The following LAMA2 variants were observed in gnomAD, a reference collection of about 807,000 sequenced individuals.
LAMA2 encodes the protein laminin subunit alpha 2.
In LAMA2, 269 loss-of-function variants were observed where a neutral mutation model predicts 364.8. That is an observed-to-expected ratio of 0.74 (90% CI 0.67 to 0.82). The LOEUF (loss-of-function observed/expected upper bound fraction) is 0.82. Ranked by LOEUF, LAMA2 falls within the 40% of genes least tolerant of loss-of-function variation. The pLI, the probability that LAMA2 is intolerant of heterozygous loss-of-function variation, is 0.00. For synonymous variants in LAMA2, 1,379 were observed against 1,370.6 expected (o/e 1.01, Z -0.14); for missense variants, 3,807 against 3,873.2 (o/e 0.98, Z 0.45).
At position 129,139,671 on chromosome 6, in the gene LAMA2, T is replaced by C. The variant is rs531272809; in HGVS notation, c.640-4230T>C. Among the ~76,000 whole-genome samples the C allele has an allele frequency of 1.2e-4, 18 of 152,134 alleles. 1 individual carries two copies. In the South Asian group the frequency reaches 3.7e-3, roughly 32 times the overall value. The stretch of plus-strand genomic sequence containing the variant: ...TTTACACAGTCAAAATAAAAGAGAT[T>C]AGGCTTGTTTTTGTTATTTCTCCCC... On this transcript the variant is annotated intron_variant, in intron 4 of 64. Coordinates refer to ENST00000421865, the MANE Select transcript of LAMA2 (RefSeq NM_000426.4).
chr6:129,110,228 A>G (rs532848624), intron 4 of LAMA2, among the ~76,000 whole-genome samples: 295 of 152,206 alleles, frequency 1.9e-3, no homozygotes, highest in African/African-American at 6.8e-3. Context: ...TATTGAGATT[A>G]CCAAACTGTG....
chr6:129,224,837 G>A (rs1028941208), intron 12 of LAMA2, among the ~76,000 whole-genome samples: 9 of 152,296 alleles, frequency 5.9e-5, no homozygotes, highest in Middle Eastern at 3.4e-3. Flanking sequence ...TCAGGAGGAT[G>A]CTGGCCTCAT....
intron 12 of LAMA2, among the ~76,000 whole-genome samples, chr6:129,229,405 C>T (rs920990835): frequency 6.6e-6 from 1 of 152,020 alleles, no homozygotes; most frequent in Non-Finnish European, 1.5e-5. Flanking sequence ...TGTTCAAAGA[C>T]CCTCAAGGAT....
intron 1 of LAMA2, among the ~76,000 whole-genome samples, chr6:128,888,862 C>T (rs1189389869): frequency 6.6e-6 from 1 of 152,172 alleles, no homozygotes; most frequent in Non-Finnish European, 1.5e-5. Flanking sequence ...CAAATACGCA[C>T]TAATCCATGG....
At chr6:129,349,262 T>G (rs1159313468) in intron 30 of LAMA2, 36 bp from the exon 31 acceptor site, 10 of 1,535,956 alleles carry the variant, frequency 6.5e-6, no homozygotes, top group Non-Finnish European at 9.0e-6. Context: ...ATAAATGGAT[T>G]AAACTTTTTT....
At chr6:129,090,340 C>G (rs1314060614) in intron 3 of LAMA2, among the ~76,000 whole-genome samples, 1 of 152,122 alleles carries the variant, frequency 6.6e-6, no homozygotes, top group Non-Finnish European at 1.5e-5. Flanking sequence ...CATTATGTAT[C>G]TCTGAAGGAT....
At chr6:129,304,359 G>A (rs1032491370) in intron 22 of LAMA2, among the ~76,000 whole-genome samples, 1 of 152,198 alleles carries the variant, frequency 6.6e-6, no homozygotes, top group South Asian at 2.1e-4. Context: ...CGCCTCCCGG[G>A]TTCACGCCAT....
At chr6:128,952,102 G>A (rs1187684632) in intron 1 of LAMA2, among the ~76,000 whole-genome samples, 2 of 152,160 alleles carry the variant, frequency 1.3e-5, no homozygotes, top group African/African-American at 4.8e-5. Context: ...AGGAGTTTGA[G>A]GCTGCAGTGA....
intron 9 of LAMA2, among the ~76,000 whole-genome samples, chr6:129,166,197 CTAATT>C (rs1168137124): frequency 2.0e-5 from 3 of 152,160 alleles, no homozygotes; most frequent in Admixed American, 1.3e-4. Context: ...GAGGCTGACA[CTAATT>C]TAAGCTAAAG....
chr6:129,484,251 G>A (rs1314119595), intron 55 of LAMA2, among the ~76,000 whole-genome samples: 1 of 152,170 alleles, frequency 6.6e-6, no homozygotes. Flanking sequence ...AAACCATACT[G>A]GTTGTTATAG....
At chr6:129,417,539 A>T (rs967663354) in intron 40 of LAMA2, among the ~76,000 whole-genome samples, 2 of 152,230 alleles carry the variant, frequency 1.3e-5, no homozygotes, top group East Asian at 3.9e-4. Context: ...CCGACAGTCC[A>T]GCCCCCTTCC....
chr6:129,250,122 TAGG>T lies in LAMA2; in HGVS notation c.1798_1800del (p.Gly600del), dbSNP rs753417521. On this transcript the variant is annotated inframe_deletion, in exon 13 of 65. Coordinates refer to ENST00000421865, the MANE Select transcript of LAMA2 (RefSeq NM_000426.4). ...TCTTCTGTCTTGTAGCTCCCAGCAG[TAGG>T]AGGACAGTTGACATTTACCATATCA... 2 of 1,598,306 alleles carry T rather than the reference TAGG, an allele frequency of 1.3e-6. No individual in the cohort carries two copies. Among genetic ancestry groups the T allele is most frequent in the African/African-American group, 1.3e-5 (1 of 74,584 alleles).
At chr6:129,264,598 A>G (rs1350778505) in intron 15 of LAMA2, among the ~76,000 whole-genome samples, 1 of 152,144 alleles carries the variant, frequency 6.6e-6, no homozygotes, top group Non-Finnish European at 1.5e-5. Context: ...AAAAGAGAGA[A>G]AAATAGCCCA....
intron 1 of LAMA2, among the ~76,000 whole-genome samples, chr6:128,890,428 GA>G (rs940180523): frequency 2.0e-5 from 3 of 149,464 alleles, no homozygotes; most frequent in South Asian, 2.1e-4. Context: ...ATACCCTGAG[GA>G]AAAAAAAATC....
chr6:129,028,909 A>G (rs1231876749), intron 1 of LAMA2, among the ~76,000 whole-genome samples: 1 of 151,782 alleles, frequency 6.6e-6, no homozygotes, highest in African/African-American at 2.4e-5. Context: ...CCAATCATCA[A>G]ATTTCATATT....
intron 9 of LAMA2, among the ~76,000 whole-genome samples, chr6:129,170,561 C>T (rs1242552759): frequency 1.5e-5 from 2 of 135,514 alleles, no homozygotes; most frequent in African/African-American, 6.1e-5. Flanking sequence ...TTTACATTTG[C>T]TGAGGAGAGC....
chr6:129,353,256 G>C lies in LAMA2; in HGVS notation c.4616G>C (p.Cys1539Ser). 1 of 1,614,098 alleles carries C rather than the reference G, an allele frequency of 6.2e-7. No individual in the cohort carries two copies. Among genetic ancestry groups the C allele is most frequent in the South Asian group, 1.1e-5 (1 of 91,078 alleles). ...CDPYGSLPVP[C>S]DPVTGFCTCR... Reference sequence around the variant, plus strand: ...CCCTATGGCTCACTGCCTGTGCCCTGTGACCCTGTCACAGGATTCTGCACG... The same window carrying C: ...CCCTATGGCTCACTGCCTGTGCCCTCTGACCCTGTCACAGGATTCTGCACG... Residue 1539 changes from cysteine to serine, a missense_variant, in exon 32 of 65, where the codon TGT becomes TCT. Cys to Ser is a moderately radical substitution (Grantham distance 112, BLOSUM62 -1). This residue lies in a region of LAMA2 where 3,333 missense variants were observed against 3,345.7 expected (regional missense o/e 1.00). Transcript: ENST00000421865.
intron 12 of LAMA2, among the ~76,000 whole-genome samples, chr6:129,226,753 C>T (rs1445659010): frequency 2.0e-5 from 3 of 152,138 alleles, no homozygotes; most frequent in Non-Finnish European, 2.9e-5. Flanking sequence ...TTCTCTCTGG[C>T]TGCCCTTAAC....
chr6:129,463,954 C>T (rs1221557209), intron 49 of LAMA2, among the ~76,000 whole-genome samples: 1 of 151,894 alleles, frequency 6.6e-6, no homozygotes, highest in Non-Finnish European at 1.5e-5. Context: ...AATGTATTCT[C>T]AGCCCATCCA....
Sources: gnomAD v4.1 joint callset for allele counts (sites outside exome capture counted in the v4.1 genomes callset) on GRCh38, gnomAD v4.1.1 for gene constraint, gnomAD v4.1.1 regional missense constraint, MANE v1.5 for transcripts, NCBI Gene and HGNC (gene_info 2026-07-23, HGNC 2026-07-21) for gene names.